Variants in HELZ observed in about 807,000 individuals in gnomAD.
HELZ encodes ATP-dependent RNA helicase with zinc finger domain.
In HELZ, 23 loss-of-function variants were observed where a neutral mutation model predicts 218.2. The observed-to-expected ratio is 0.11, with a 90% confidence interval of 0.08 to 0.15. HELZ has a LOEUF of 0.15. Ranked by LOEUF, HELZ falls within the 10% of genes least tolerant of loss-of-function variation. The pLI is 1.00. For synonymous variants in HELZ, 814 were observed against 829.4 expected, an observed-to-expected ratio of 0.98 and a Z score of 0.32; for missense variants, 1,813 against 2,353.7, an observed-to-expected ratio of 0.77 and a Z score of 4.75.
At chr17:67,124,231 T>C (rs1408572764) in intron 24 of HELZ, among the ~76,000 whole-genome samples, 7 of 152,190 alleles carry the variant, frequency 4.6e-5, no homozygotes, top group Non-Finnish European at 8.8e-5. Flanking sequence ...GGCCTCAAGT[T>C]TTCTCAGTTT....
chr17:67,145,965 T>A, intron 20 of HELZ, 75 bp from the exon 21 acceptor site: 1 of 1,122,454 alleles, frequency 8.9e-7, no homozygotes, highest in Non-Finnish European at 1.3e-6. Flanking sequence ...AAAAAAAAAA[T>A]CAGTCGATTC....
intron 13 of HELZ, among the ~76,000 whole-genome samples, chr17:67,177,076 G>C (rs986630805): frequency 6.6e-6 from 1 of 150,874 alleles, no homozygotes; most frequent in Admixed American, 6.6e-5. Flanking sequence ...GGGCTCAAGC[G>C]ATTCTCCCAC....
At chr17:67,164,830 A>G (rs1452534221) in intron 15 of HELZ, among the ~76,000 whole-genome samples, 1 of 152,142 alleles carries the variant, frequency 6.6e-6, no homozygotes, top group East Asian at 1.9e-4. Context: ...TAGACTGCTC[A>G]CCCTTTATCT....
intron 31 of HELZ, among the ~76,000 whole-genome samples, chr17:67,099,214 C>T (rs1208706171): frequency 3.3e-5 from 5 of 152,146 alleles, no homozygotes; most frequent in African/African-American, 9.6e-5. Context: ...AGTTCTGTTT[C>T]GGGAAGTGAG....
chr17:67,185,519 G>C (rs531977769), intron 12 of HELZ, among the ~76,000 whole-genome samples: 3 of 152,204 alleles, frequency 2.0e-5, no homozygotes, highest in African/African-American at 7.2e-5. Flanking sequence ...TTATCAAAGA[G>C]CTAAAAATTA....
intron 1 of HELZ, chr17:67,244,913 G>A (rs2041436531): frequency 1.0e-6 from 1 of 986,006 alleles, no homozygotes; most frequent in Non-Finnish European, 1.2e-6. Flanking sequence ...GGCCCCAGCG[G>A]AGGGGAAGGG....
chr17:67,116,821 T>G (rs1413421624), intron 27 of HELZ, among the ~76,000 whole-genome samples: 2 of 152,150 alleles, frequency 1.3e-5, no homozygotes, highest in East Asian at 3.9e-4. Flanking sequence ...ACAATAGACC[T>G]GAACAACTCT....
intron 12 of HELZ, among the ~76,000 whole-genome samples, chr17:67,179,381 A>T (rs1008438499): frequency 6.6e-6 from 1 of 152,224 alleles, no homozygotes; most frequent in Non-Finnish European, 1.5e-5. Context: ...TTCTTGTGTG[A>T]TAAAGCACAA....
At chr17:67,180,877 C>CAAAAA in intron 12 of HELZ, among the ~76,000 whole-genome samples, 1 of 41,902 alleles carries the variant, frequency 2.4e-5, no homozygotes, top group Non-Finnish European at 4.5e-5. Context: ...GACTCCATCT[C>CAAAAA]AAAAAAAAAA....
intron 17 of HELZ, among the ~76,000 whole-genome samples, chr17:67,155,232 A>C (rs979241896): frequency 6.6e-6 from 1 of 152,202 alleles, no homozygotes; most frequent in Non-Finnish European, 1.5e-5. Flanking sequence ...GGAGAGAAGA[A>C]AAAGAAATTC....
intron 28 of HELZ, among the ~76,000 whole-genome samples, chr17:67,112,319 G>T (rs917895358): frequency 6.6e-6 from 1 of 152,208 alleles, no homozygotes; most frequent in Non-Finnish European, 1.5e-5. Context: ...ACAAGGACAT[G>T]AGAGACACTT....
intron 17 of HELZ, 21 bp downstream of exon 17, chr17:67,160,240 A>G (rs1403420477): frequency 3.8e-6 from 5 of 1,330,830 alleles, no homozygotes; most frequent in Non-Finnish European, 5.4e-6. Flanking sequence ...ACAGATACAT[A>G]ATAAGCCTTA....
intron 20 of HELZ, among the ~76,000 whole-genome samples, chr17:67,146,479 G>GT (rs991733011): frequency 2.6e-4 from 40 of 152,294 alleles, no homozygotes; most frequent in African/African-American, 9.6e-4. Context: ...CTAGGTTAGT[G>GT]TAAGTTCACT....
intron 12 of HELZ, among the ~76,000 whole-genome samples, chr17:67,179,142 A>T (rs990041042): frequency 5.4e-5 from 8 of 149,506 alleles, no homozygotes; most frequent in East Asian, 1.9e-4. Context: ...ATCCATGTTT[A>T]AAAAAAAAAC....
intron 20 of HELZ, among the ~76,000 whole-genome samples, chr17:67,146,548 A>G (rs1387464788): frequency 6.6e-6 from 1 of 152,210 alleles, no homozygotes; most frequent in Admixed American, 6.5e-5. Flanking sequence ...AATGTGACCC[A>G]TGATTGTACT....
chr17:67,166,540 C>T lies in HELZ; in HGVS notation c.1833G>A (p.Lys611=), dbSNP rs574040161. The change falls in exon 15 of 33, where the codon AAG becomes AAA. Residue 611 remains lysine (K), a synonymous_variant. Transcript: ENST00000358691. ...CEMHYALDRI[K]DNGVLFPDIS... ...TGTCTGGAAACAAAACCCCATTGTC[C>T]TTGATCCTGTCTAGTGCATAGTGCA... 1.2e-5 allele frequency: 20 copies of T among 1,613,220 alleles called. No individual in the cohort carries two copies. In the South Asian group the frequency reaches 2.1e-4, roughly 17 times the overall value.
chr17:67,236,411 A>G (rs1366445989), intron 3 of HELZ, among the ~76,000 whole-genome samples: 1 of 152,172 alleles, frequency 6.6e-6, no homozygotes, highest in Non-Finnish European at 1.5e-5. Context: ...ACATAATAAC[A>G]CACTCCAAAA....
intron 31 of HELZ, among the ~76,000 whole-genome samples, chr17:67,089,694 G>GAGAGACAGAGAGAGAC (rs1555595478): frequency 9.9e-6 from 1 of 100,696 alleles, no homozygotes; most frequent in East Asian, 4.5e-4. Flanking sequence ...GAGAGAGAGA[G>GAGAGACAGAGAGAGAC]AGAGAGACAG....
chr17:67,107,785 A>G (rs1275607754), intron 30 of HELZ, 100 bp from the exon 31 acceptor site: 1 of 1,019,894 alleles, frequency 9.8e-7, no homozygotes, highest in Non-Finnish European at 1.4e-6. Flanking sequence ...ACAAAATCAT[A>G]GTACTAATAA....
Sources: allele counts gnomAD v4.1 joint callset (sites outside exome capture counted in the v4.1 genomes callset), GRCh38; gene constraint gnomAD v4.1.1; transcripts MANE v1.5; gene names NCBI Gene and HGNC (gene_info 2026-07-23, HGNC 2026-07-21).